MYPN: variants seen among roughly 807,000 people sequenced by gnomAD.
The protein encoded by MYPN is myopalladin.
A neutral mutation model predicts 129.4 loss-of-function variants in MYPN; 63 were observed. The ratio of observed to expected loss-of-function variants is 0.49; its 90% CI spans 0.40 to 0.60. The LOEUF is 0.60. MYPN is among the 20% of genes least tolerant of loss of function. MYPN has a pLI of 0.00. For synonymous variants in MYPN, 629 were observed against 600.9 expected (o/e 1.05, Z -0.68); for missense variants, 1,596 against 1,635.4 (o/e 0.98, Z 0.42).
At chr10:68,188,745 G>A (rs2043461341) in intron 12 of MYPN, among the ~76,000 whole-genome samples, 160 bp from the exon 13 acceptor site, 1 of 152,142 alleles carries the variant, frequency 6.6e-6, no homozygotes, top group African/African-American at 2.4e-5. Context: ...TTCCTTTAGT[G>A]CTCCATGGTG....
chr10:68,204,418 T>C (rs1465894423), intron 18 of MYPN, among the ~76,000 whole-genome samples: 1 of 152,192 alleles, frequency 6.6e-6, no homozygotes, highest in Admixed American at 6.5e-5. Context: ...ACTGTGAGAA[T>C]GACCTTTTAA....
chr10:68,187,651 T>G (rs1280857649), intron 12 of MYPN, among the ~76,000 whole-genome samples: 1 of 152,202 alleles, frequency 6.6e-6, no homozygotes, highest in Non-Finnish European at 1.5e-5. Context: ...AGTAGTAGTA[T>G]ATGACTCTGG....
At chr10:68,095,951 G>GA (rs1218026063) in intron 1 of MYPN, among the ~76,000 whole-genome samples, 3 of 151,740 alleles carry the variant, frequency 2.0e-5, no homozygotes, top group African/African-American at 4.8e-5. Context: ...ATCCAGAATG[G>GA]AAAAAAAATT....
rs140605725 is a variant in MYPN at position 68,181,634 on chromosome 10, C to G, written c.2703+6173C>G. 5.3e-5 allele frequency among the ~76,000 whole-genome samples: 8 copies of G among 152,224 alleles called. No homozygotes were observed. In the East Asian group the frequency reaches 1.5e-3, roughly 29 times the overall value. ...CTTCCTTTCTTGATCTTGAAAGGAC[C>G]TAAGCTGATGCCACATTGACTTTGT... is the stretch of plus-strand genomic sequence containing the variant. On this transcript the variant is annotated intron_variant, in intron 12 of 19. Transcript: ENST00000358913.
chr10:68,136,805 G>A, intron 2 of MYPN: 1 of 1,406,790 alleles, frequency 7.1e-7, no homozygotes, highest in Non-Finnish European at 9.7e-7. Flanking sequence ...TATTAGTTTT[G>A]AAATAGCTAT....
intron 1 of MYPN, among the ~76,000 whole-genome samples, chr10:68,111,385 G>C (rs927493679): frequency 2.0e-5 from 3 of 152,070 alleles, no homozygotes; most frequent in Non-Finnish European, 4.4e-5. Flanking sequence ...GCCAACCCTA[G>C]AACAATTAAT....
intron 2 of MYPN, among the ~76,000 whole-genome samples, chr10:68,131,503 A>G (rs2042411374): frequency 6.6e-6 from 1 of 152,086 alleles, no homozygotes; most frequent in Non-Finnish European, 1.5e-5. Flanking sequence ...TTTCATAGTC[A>G]AGGACATGGT....
chr10:68,098,339 G>A (rs1201153700), intron 1 of MYPN, among the ~76,000 whole-genome samples: 3 of 152,064 alleles, frequency 2.0e-5, no homozygotes, highest in Admixed American at 6.6e-5. Context: ...ACTTGGAAAC[G>A]TTCTCTGCCC....
chr10:68,203,986 C>T (rs190502797), intron 18 of MYPN, among the ~76,000 whole-genome samples: 8 of 152,338 alleles, frequency 5.3e-5, no homozygotes, highest in South Asian at 2.1e-4. Flanking sequence ...TCTACCTCCA[C>T]GCTGCAGCCC....
Position 68,129,514 on chromosome 10 carries a change from T to G in MYPN, c.902+7174T>G, listed in dbSNP as rs919022127. ...GATGTACATTTGGGTTGTTTACAGG[T>G]TTTTTCCTAATATGAACAATGTCAT... On this transcript the variant is annotated intron_variant, in intron 2 of 19. Coordinates refer to ENST00000358913, the MANE Select transcript of MYPN (RefSeq NM_032578.4). 3.3e-5 allele frequency among the ~76,000 whole-genome samples: 5 copies of G among 152,268 alleles called. No individual in the cohort carries two copies. The East Asian group carries it at 9.7e-4, about 29-fold the overall frequency.
chr10:68,091,106 G>A (rs575588484), intron 1 of MYPN, among the ~76,000 whole-genome samples: 39 of 152,180 alleles, frequency 2.6e-4, no homozygotes, highest in Admixed American at 1.6e-3. Context: ...TTCTTTACGA[G>A]GAAACTTATT....
At chr10:68,178,577 G>A (rs1021659440) in intron 12 of MYPN, among the ~76,000 whole-genome samples, 3 of 151,984 alleles carry the variant, frequency 2.0e-5, no homozygotes, top group African/African-American at 7.3e-5. Flanking sequence ...GATGGGTTTG[G>A]CAGTGGGTGC....
intron 1 of MYPN, among the ~76,000 whole-genome samples, chr10:68,116,166 G>T (rs1282556210): frequency 6.6e-6 from 1 of 151,956 alleles, no homozygotes. Flanking sequence ...AATATTTATT[G>T]GATGAATAAA....
chr10:68,089,624 C>A lies in MYPN; in HGVS notation c.-2+1632C>A, dbSNP rs555088253. Among the ~76,000 whole-genome samples, 50 of 152,214 alleles carry A rather than the reference C, an allele frequency of 3.3e-4. 2 individuals carry two copies. The highest frequency in any genetic ancestry group is 9.6e-5 in the African/African-American group (4 of 41,534). The stretch of plus-strand genomic sequence containing the variant: ...GCTCCCAAAGTGCTGGGATTACAGG[C>A]GTGAGCCAGCGCGCCTGGCCTTATT... On this transcript the variant is annotated intron_variant, in intron 1 of 6. Transcript: ENST00000685154.
At chr10:68,175,500 T>A (rs1306635007) in intron 12 of MYPN, 39 bp downstream of exon 12, 2 of 1,610,194 alleles carry the variant, frequency 1.2e-6, no homozygotes, top group African/African-American at 2.7e-5. Flanking sequence ...TGAAATTTTA[T>A]TGTAAGGAAT....
chr10:68,135,304 T>A (rs2134038391), intron 2 of MYPN, among the ~76,000 whole-genome samples: 1 of 152,298 alleles, frequency 6.6e-6, no homozygotes, highest in South Asian at 2.1e-4. Context: ...TCCTCCCACT[T>A]ACACTCCTAC....
chr10:68,143,152 G>T (rs2042603955), intron 3 of MYPN, 37 bp downstream of exon 3: 3 of 1,580,472 alleles, frequency 1.9e-6, no homozygotes, highest in Admixed American at 1.7e-5. Flanking sequence ...ACACTTAATA[G>T]TAAGACATTT....
In MYPN at chr10:68,206,915, G is replaced by C; in HGVS notation, c.3793+12G>C. On this transcript the variant is annotated intron_variant, in intron 19 of 19. Coordinates refer to ENST00000358913, the MANE Select transcript of MYPN (RefSeq NM_032578.4). ...GCTGGATATATACGGTAAGTGTAAT[G>C]CTGTTAGTTGAACATCTGTATGCAA... The C allele has an allele frequency of 6.2e-7, 1 of 1,614,064 alleles. No individual in the cohort carries two copies. Among genetic ancestry groups the C allele is most frequent in the African/African-American group, 1.3e-5 (1 of 75,038 alleles).
intron 2 of MYPN, among the ~76,000 whole-genome samples, chr10:68,124,431 C>T (rs1006129669): frequency 6.6e-6 from 1 of 151,986 alleles, no homozygotes; most frequent in African/African-American, 2.4e-5. Flanking sequence ...TCTTTTTATT[C>T]CATAATATTC....
Sources: gnomAD v4.1 joint callset for allele counts (sites outside exome capture counted in the v4.1 genomes callset) on GRCh38, gnomAD v4.1.1 for gene constraint, MANE v1.5 for transcripts, NCBI Gene and HGNC (gene_info 2026-07-23, HGNC 2026-07-21) for gene names.